The following ITGA9 variants were observed in gnomAD, a reference collection of about 807,000 sequenced individuals.
ITGA9 encodes integrin alpha-9.
A neutral mutation model predicts 127.8 loss-of-function variants in ITGA9; 56 were observed. The observed-to-expected ratio is 0.44, with a 90% CI of 0.35 to 0.55. The LOEUF (loss-of-function observed/expected upper bound fraction) is 0.55, where lower values mean the gene tolerates loss of function less well. Ranked by LOEUF, ITGA9 falls within the 20% of genes least tolerant of loss-of-function variation. The pLI is 0.00. For synonymous variants in ITGA9, 508 were observed against 514.5 expected, an observed-to-expected ratio of 0.99 and a Z score of 0.17; for missense variants, 1,196 against 1,347.1, an observed-to-expected ratio of 0.89 and a Z score of 1.76.
chr3:37,575,086 G>A (rs1176690549), intron 15 of ITGA9, among the ~76,000 whole-genome samples: 1 of 152,180 alleles, frequency 6.6e-6, no homozygotes, highest in Admixed American at 6.5e-5. Context: ...AATGGTGTCC[G>A]TTGGTGAGCA....
intron 16 of ITGA9, among the ~76,000 whole-genome samples, chr3:37,631,558 A>C (rs1403963955): frequency 6.6e-6 from 1 of 152,198 alleles, no homozygotes; most frequent in African/African-American, 2.4e-5. Flanking sequence ...ACACTGTGAA[A>C]GAAAGGGCAT....
At chr3:37,684,353 T>C (rs1378831686) in intron 18 of ITGA9, among the ~76,000 whole-genome samples, 1 of 152,242 alleles carries the variant, frequency 6.6e-6, no homozygotes, top group East Asian at 1.9e-4. Flanking sequence ...TTCTAGAGAA[T>C]TCCAGTTTTA....
Position 37,471,093 on chromosome 3 carries a change from C to A in ITGA9, c.272C>A (p.Thr91Asn), listed in dbSNP as rs1231861726. 6.2e-7 allele frequency: 1 copy of A among 1,614,088 alleles called. No homozygotes were observed. The highest frequency in any genetic ancestry group is 2.2e-5 in the East Asian group (1 of 44,858). The change falls in exon 2 of 28, where the codon ACC (threonine) becomes AAC (asparagine). Residue 91 changes from threonine (T) to asparagine (N), a missense_variant. Physicochemically the swap from Thr to Asn is moderately conservative, Grantham distance 65. Transcript: ENST00000264741. ...GCTGTGTTTAAGTGCCGTGTTCACA[C>A]CAACCCTGACCGGAGATGCACCGAA... ...PGAVFKCRVH[T>N]NPDRRCTELD...
intron 18 of ITGA9, among the ~76,000 whole-genome samples, chr3:37,688,735 T>C (rs1700803190): frequency 6.6e-6 from 1 of 152,198 alleles, no homozygotes; most frequent in Non-Finnish European, 1.5e-5. Context: ...ACTATGTCCT[T>C]AAATCTCAGC....
chr3:37,537,535 C>T (rs1699221877), intron 14 of ITGA9, among the ~76,000 whole-genome samples: 2 of 152,166 alleles, frequency 1.3e-5, no homozygotes, highest in African/African-American at 4.8e-5. Flanking sequence ...TTGCTGAATC[C>T]CTGTTGGGTC....
chr3:37,726,032 C>T (rs976799202), intron 18 of ITGA9, among the ~76,000 whole-genome samples: 1 of 152,228 alleles, frequency 6.6e-6, no homozygotes, highest in African/African-American at 2.4e-5. Context: ...TTCAAGCTGA[C>T]TCATCATTGA....
intron 27 of ITGA9, among the ~76,000 whole-genome samples, chr3:37,816,897 C>T (rs1287011634): frequency 6.6e-6 from 1 of 152,196 alleles, no homozygotes; most frequent in Non-Finnish European, 1.5e-5. Context: ...CAAACTGCAC[C>T]ACCTTATCGA....
At chr3:37,709,183 A>G (rs1364608944) in intron 18 of ITGA9, among the ~76,000 whole-genome samples, 1 of 152,174 alleles carries the variant, frequency 6.6e-6, no homozygotes, top group Non-Finnish European at 1.5e-5. Flanking sequence ...AGCACTTAGG[A>G]CCATACCTGA....
intron 23 of ITGA9, among the ~76,000 whole-genome samples, chr3:37,752,981 G>A (rs1411051406): frequency 6.6e-6 from 1 of 152,122 alleles, no homozygotes; most frequent in Non-Finnish European, 1.5e-5. Context: ...TAAAAACAGA[G>A]CCACGGTGGT....
Position 37,531,149 on chromosome 3 carries a change from G to A in ITGA9, c.1374-2165G>A, listed in dbSNP as rs1294284915. 5.3e-5 allele frequency among the ~76,000 whole-genome samples: 8 copies of A among 151,978 alleles called. No homozygotes were observed. The South Asian group carries it at 1.7e-3, about 32-fold the overall frequency. On this transcript the variant is annotated intron_variant, in intron 13 of 27. Transcript: ENST00000264741. Reference sequence around the variant, plus strand: ...ATCTCAGAGGCTGGCACATTTGTAGGCAGGACTGTGAGACACAGTCTCCCC... The same window carrying A: ...ATCTCAGAGGCTGGCACATTTGTAGACAGGACTGTGAGACACAGTCTCCCC...
In ITGA9 at chr3:37,741,834, C is replaced by A; in HGVS notation, c.2324+15C>A. On this transcript the variant is annotated intron_variant, in intron 21 of 27. Transcript: ENST00000264741. ...TCCATCACCGGGTGAGTAGCCTGGTCCTGGGTTGCCACAACACAGGAGTGC... is the reference window on the plus strand; with the variant it reads ...TCCATCACCGGGTGAGTAGCCTGGTACTGGGTTGCCACAACACAGGAGTGC... The A allele has an allele frequency of 2.5e-6, 4 of 1,602,014 alleles. No homozygotes were observed. The South Asian group carries it at 3.3e-5, about 13-fold the overall frequency.
In ITGA9 at chr3:37,612,490, G is replaced by A. The variant is rs140384170; in HGVS notation, c.1690-16697G>A. Among the ~76,000 whole-genome samples the A allele has an allele frequency of 1.1e-4, 16 of 152,170 alleles. No homozygotes were observed. The East Asian group carries it at 2.5e-3, about 24-fold the overall frequency. Reference sequence around the variant, plus strand: ...GTGTGTAATATCTCAGATTTCTATCGACGGTAGAGTCACAGGTCTTTCTAA... The same window carrying A: ...GTGTGTAATATCTCAGATTTCTATCAACGGTAGAGTCACAGGTCTTTCTAA... On this transcript the variant is annotated intron_variant, in intron 15 of 27. Coordinates refer to ENST00000264741, the MANE Select transcript of ITGA9 (RefSeq NM_002207.3).
chr3:37,780,314 C>A (rs757597706), intron 25 of ITGA9, among the ~76,000 whole-genome samples: 2 of 152,180 alleles, frequency 1.3e-5, no homozygotes, highest in East Asian at 1.9e-4. Flanking sequence ...CCTCACCCCC[C>A]TCCCACATTT....
At chr3:37,704,952 C>G (rs1486747811) in intron 18 of ITGA9, among the ~76,000 whole-genome samples, 4 of 152,146 alleles carry the variant, frequency 2.6e-5, no homozygotes, top group Admixed American at 1.3e-4. Context: ...GAATGAATAA[C>G]AGGAAGCCCC....
intron 15 of ITGA9, among the ~76,000 whole-genome samples, chr3:37,578,469 G>A (rs1234720969): frequency 6.6e-6 from 1 of 152,188 alleles, no homozygotes; most frequent in Admixed American, 6.5e-5. Context: ...GACAGCAGCT[G>A]TCCATCTTCA....
chr3:37,760,919 A>G (rs2125542818), intron 23 of ITGA9, among the ~76,000 whole-genome samples: 2 of 152,316 alleles, frequency 1.3e-5, no homozygotes, highest in Admixed American at 1.3e-4. Context: ...TAATATATAA[A>G]TTACTTCTAC....
Position 37,527,251 on chromosome 3 carries a change from C to T in ITGA9, c.1373+1180C>T, listed in dbSNP as rs569648669. Reference sequence around the variant, plus strand: ...ATCCAGATGTAGCCTCATGGTAAGTCAAGGAGTGTGCTGCATTCCTATGGC... The same window carrying T: ...ATCCAGATGTAGCCTCATGGTAAGTTAAGGAGTGTGCTGCATTCCTATGGC... On this transcript the variant is annotated intron_variant, in intron 13 of 27. Coordinates refer to ENST00000264741, the MANE Select transcript of ITGA9 (RefSeq NM_002207.3). 2.0e-5 allele frequency among the ~76,000 whole-genome samples: 3 copies of T among 152,324 alleles called. No individual in the cohort carries two copies. The East Asian group carries it at 5.8e-4, about 29-fold the overall frequency.
intron 9 of ITGA9, among the ~76,000 whole-genome samples, chr3:37,514,539 G>A (rs1203001559): frequency 6.6e-6 from 1 of 152,114 alleles, no homozygotes. Context: ...GCATGGGGGG[G>A]CAGGGGACTG....
intron 9 of ITGA9, among the ~76,000 whole-genome samples, chr3:37,514,324 A>G (rs1486758318): frequency 6.6e-6 from 1 of 152,172 alleles, no homozygotes; most frequent in Non-Finnish European, 1.5e-5. Context: ...CTGGCTTTAG[A>G]GCTGGCATGC....
Sources: allele counts gnomAD v4.1 joint callset (sites outside exome capture counted in the v4.1 genomes callset), GRCh38; gene constraint gnomAD v4.1.1; transcripts MANE v1.5; gene names NCBI Gene and HGNC (gene_info 2026-07-23, HGNC 2026-07-21).